The following CDC20 variants were observed in gnomAD, a reference collection of about 807,000 sequenced individuals.
The protein encoded by CDC20 is cell division cycle protein 20 homolog.
Under a neutral mutation model 60.0 loss-of-function variants are expected in CDC20, and 34 were observed. The ratio of observed to expected loss-of-function variants is 0.57; its 90% CI spans 0.43 to 0.75. CDC20 has a LOEUF of 0.75. CDC20 is among the 30% of genes least tolerant of loss of function. CDC20 has a pLI of 0.00. For synonymous variants in CDC20, 198 were observed against 243.5 expected, an observed-to-expected ratio of 0.81 and a Z score of 1.74; for missense variants, 469 against 647.3, an observed-to-expected ratio of 0.72 and a Z score of 2.99.
intron 9 of CDC20, 50 bp from the exon 10 acceptor site, chr1:43,362,145 T>C (rs765701911): frequency 2.3e-5 from 25 of 1,102,716 alleles, no homozygotes; most frequent in Non-Finnish European, 3.3e-5. Context: ...TCAGTTCTGA[T>C]TTAAGTAGCC....
chr1:43,360,103 TGC>T lies in CDC20; in HGVS notation c.556+7_556+8del. On this transcript the variant is annotated splice_region_variant and intron_variant, in intron 5 of 10. Transcript: ENST00000310955. ...TGAAATCCGAAATGACTATTGTAAGTGCATCCTTATCCTCGCCTCATGCATGG... is the reference window on the plus strand; with the variant it reads ...TGAAATCCGAAATGACTATTGTAAGTATCCTTATCCTCGCCTCATGCATGG... The T allele has an allele frequency of 6.2e-7, 1 of 1,614,216 alleles. No individual in the cohort carries two copies. The highest frequency in any genetic ancestry group is 8.5e-7 in the Non-Finnish European group (1 of 1,180,044).
rs896531928 is a variant in CDC20 at position 43,362,827 on chromosome 1, T to A, written c.1322-124T>A. 1.6e-4 allele frequency: 112 copies of A among 704,438 alleles called. No homozygotes were observed. The African/African-American group carries it at 1.8e-3, about 11-fold the overall frequency. 43.6% of individuals were successfully genotyped at this position (704,438 alleles called of 1,614,324 possible). A position where few individuals can be genotyped will look rare whatever the true frequency, so the allele number is the denominator to read the frequency against. On this transcript the variant is annotated intron_variant, in intron 10 of 10. Transcript: ENST00000310955. ...TTGCAGTGAGCCAAGATTGCGCCAC[T>A]GCACTCCAGCCTGGGTGACAGAGCA...
At chr1:43,359,672 C>G (rs1226478951) in intron 3 of CDC20, 34 bp downstream of exon 3, 1 of 1,613,986 alleles carries the variant, frequency 6.2e-7, no homozygotes, top group Admixed American at 1.7e-5. Context: ...GGCACGGGAC[C>G]TGACTGTTCT....
Position 43,359,019 on chromosome 1 carries a change from G to A in CDC20, c.-50+13G>A. ...TCCGGAGGGCACGGTGAGAGGTGGTGGGGCTGAGCCGAGGTGGGGCCGTGG... is the reference window on the plus strand; with the variant it reads ...TCCGGAGGGCACGGTGAGAGGTGGTAGGGCTGAGCCGAGGTGGGGCCGTGG... On this transcript the variant is annotated intron_variant, in intron 1 of 10. Transcript: ENST00000310955. 2 of 616,770 alleles carry A rather than the reference G, an allele frequency of 3.2e-6. No individual in the cohort carries two copies. The highest frequency in any genetic ancestry group is 5.7e-6 in the Non-Finnish European group (2 of 349,024). The allele number at this position is 616,770 out of a possible 1,614,324, so 38.2% of individuals were successfully genotyped here.
intron 10 of CDC20, 44 bp from the exon 11 acceptor site, chr1:43,362,907 A>G: frequency 6.9e-7 from 1 of 1,450,018 alleles, no homozygotes; most frequent in Non-Finnish European, 9.3e-7. Context: ...CTTTATGGCT[A>G]TGGCTGCATC....
At chr1:43,362,035 G>C (rs1199991018) in intron 9 of CDC20, among the ~76,000 whole-genome samples, 160 bp from the exon 10 acceptor site, 1 of 152,228 alleles carries the variant, frequency 6.6e-6, no homozygotes, top group Non-Finnish European at 1.5e-5. Flanking sequence ...TTACATCAGC[G>C]AGTGTCTATA....
In CDC20 at chr1:43,360,567, A is replaced by T; in HGVS notation, c.822A>T (p.Leu274=). 6.2e-7 allele frequency: 1 copy of T among 1,613,982 alleles called. No individual in the cohort carries two copies. The highest frequency in any genetic ancestry group is 8.5e-7 in the Non-Finnish European group (1 of 1,179,860). The part of the protein sequence containing the change: ...MTSHSARVGS[L]SWNSYILSSG... ...GTCACTCTGCCCGAGTGGGCTCCCT[A>T]AGCTGGAACAGCTATATCCTGTCCA... Residue 274 remains leucine, a synonymous_variant, in exon 7 of 11, where the codon CTA becomes CTT. Coordinates refer to ENST00000310955, the MANE Select transcript of CDC20 (RefSeq NM_001255.3).
chr1:43,362,856 C>G, intron 10 of CDC20, 95 bp from the exon 11 acceptor site: 1 of 906,348 alleles, frequency 1.1e-6, no homozygotes, highest in Non-Finnish European at 1.7e-6. Context: ...CAGAGCAAGT[C>G]TCAAAAAAAA....
Position 43,362,285 on chromosome 1 carries a change from A to C in CDC20, c.1294A>C (p.Thr432Pro). 2.5e-6 allele frequency: 4 copies of C among 1,585,584 alleles called. No individual in the cohort carries two copies. The highest frequency in any genetic ancestry group is 1.1e-5 in the South Asian group (1 of 90,528). Residue 432 changes from threonine to proline, a missense_variant, in exon 10 of 11, where the codon ACC becomes CCC. Physicochemically the swap from Thr to Pro is conservative, Grantham distance 38. Transcript: ENST00000310955. The part of the protein sequence containing the change: ...QNQLVIWKYP[T>P]MAKVAELKGH... ...CCAGCTAGTTATTTGGAAGTACCCA[A>C]CCATGGCCAAGGTGGCTGAACTCAA... is the stretch of plus-strand genomic sequence containing the variant.
At chr1:43,361,324 T>C (rs1322332040) in intron 9 of CDC20, 79 bp downstream of exon 9, 8 of 1,365,120 alleles carry the variant, frequency 5.9e-6, no homozygotes, top group Non-Finnish European at 7.9e-6. Flanking sequence ...CTTCACCAAC[T>C]CTATGCCCTG....
chr1:43,362,860 A>G (rs1647178978), intron 10 of CDC20, 91 bp from the exon 11 acceptor site: 3 of 1,010,054 alleles, frequency 3.0e-6, no homozygotes, highest in Admixed American at 2.7e-5. Context: ...GCAAGTCTCA[A>G]AAAAAACAAA....
chr1:43,359,024 T>A lies in CDC20; in HGVS notation c.-50+18T>A, dbSNP rs967437418. ...AGGGCACGGTGAGAGGTGGTGGGGC[T>A]GAGCCGAGGTGGGGCCGTGGCCAGG... is the stretch of plus-strand genomic sequence containing the variant. On this transcript the variant is annotated intron_variant, in intron 1 of 10. Coordinates refer to ENST00000310955, the MANE Select transcript of CDC20 (RefSeq NM_001255.3). 2 of 622,878 alleles carry A rather than the reference T, an allele frequency of 3.2e-6. No individual in the cohort carries two copies. The highest frequency in any genetic ancestry group is 5.7e-6 in the Non-Finnish European group (2 of 353,812). The allele number at this position is 622,878 out of a possible 1,614,324, so 38.6% of individuals were successfully genotyped here.
In CDC20 at chr1:43,360,877, C is replaced by T. The variant is rs1647169698; in HGVS notation, c.993C>T (p.Asn331=). The T allele has an allele frequency of 6.2e-7, 1 of 1,614,178 alleles. No individual in the cohort carries two copies. Among genetic ancestry groups the T allele is most frequent in the Non-Finnish European group, 8.5e-7 (1 of 1,180,028 alleles). Residue 331 remains asparagine, a synonymous_variant, in exon 8 of 11, where the codon AAC becomes AAT. Coordinates refer to ENST00000310955, the MANE Select transcript of CDC20 (RefSeq NM_001255.3). Reference sequence around the variant, plus strand: ...ATTTGGCCAGTGGTGGTAATGATAACTTGGTCAATGTGTGGCCTAGTGCTC... The same window carrying T: ...ATTTGGCCAGTGGTGGTAATGATAATTTGGTCAATGTGTGGCCTAGTGCTC... ...GRHLASGGND[N]LVNVWPSAPG...
Position 43,360,505 on chromosome 1 carries a change from G to T in CDC20, c.760G>T (p.Asp254Tyr). 6.2e-7 allele frequency: 1 copy of T among 1,613,954 alleles called. No homozygotes were observed. Among genetic ancestry groups the T allele is most frequent in the East Asian group, 2.2e-5 (1 of 44,890 alleles). Residue 254 changes from aspartate (D) to tyrosine (Y), a missense_variant, in exon 7 of 11, where the codon GAT becomes TAT. By Grantham distance (160) the Asp-to-Tyr change is radical. This residue lies in a region of CDC20 where 255 missense variants were observed against 326.7 expected (regional missense o/e 0.78). Coordinates refer to ENST00000310955, the MANE Select transcript of CDC20 (RefSeq NM_001255.3). ...AGTGGGCTTCTCTCTCTAGCTATGG[G>T]ATGTGCAGCAGCAGAAACGGCTTCG... ...GTSSAEVQLW[D>Y]VQQQKRLRNM...
At chr1:43,360,984 C>G in intron 8 of CDC20, 23 bp downstream of exon 8, 1 of 1,597,244 alleles carries the variant, frequency 6.3e-7, no homozygotes, top group Non-Finnish European at 8.6e-7. Flanking sequence ...GGGCTGAAGC[C>G]TCTGCAGACC....
In CDC20 at chr1:43,360,814, G is replaced by A; in HGVS notation, c.930G>A (p.Gln310=). ...HHVATLSGHS[Q]EVCGLRWAPD... ...TGGCCACACTGAGTGGCCACAGCCA[G>A]GAAGTGTGTGGGCTGCGCTGGGCCC... The change falls in exon 8 of 11, where the codon CAG becomes CAA. Residue 310 remains glutamine, a synonymous_variant. Coordinates refer to ENST00000310955, the MANE Select transcript of CDC20 (RefSeq NM_001255.3). 1 of 1,614,160 alleles carries A rather than the reference G, an allele frequency of 6.2e-7. No homozygotes were observed. Among genetic ancestry groups the A allele is most frequent in the South Asian group, 1.1e-5 (1 of 91,086 alleles).
In CDC20 at chr1:43,361,181, G is replaced by A. The variant is rs764546476; in HGVS notation, c.1139G>A (p.Arg380Gln). 7 of 1,613,618 alleles carry A rather than the reference G, an allele frequency of 4.3e-6. No homozygotes were observed. The highest frequency in any genetic ancestry group is 2.2e-5 in the East Asian group (1 of 44,898). The change falls in exon 9 of 11, where the codon CGA (arginine) becomes CAA (glutamine). Residue 380 changes from arginine to glutamine, a missense_variant. Arg to Gln is a conservative substitution (Grantham distance 43). Around this residue, in one of 5 missense-constraint regions of CDC20, gnomAD observed 255 missense variants for 326.7 expected, o/e 0.78. Coordinates refer to ENST00000310955, the MANE Select transcript of CDC20 (RefSeq NM_001255.3). The stretch of plus-strand genomic sequence containing the variant: ...GCAACAGGAGGGGGCACCAGTGATC[G>A]ACACATTCGCATCTGGAATGTGTGC... ...VLATGGGTSD[R>Q]HIRIWNVCSG...
intron 9 of CDC20, 48 bp downstream of exon 9, chr1:43,361,293 C>A: frequency 6.7e-7 from 1 of 1,500,860 alleles, no homozygotes; most frequent in Non-Finnish European, 8.9e-7. Flanking sequence ...TCTTACCGGG[C>A]AACTACATTC....
intron 4 of CDC20, 60 bp downstream of exon 4, chr1:43,359,881 A>G: frequency 6.2e-7 from 1 of 1,608,828 alleles, no homozygotes; most frequent in Non-Finnish European, 8.5e-7. Flanking sequence ...AGGGCTGAGC[A>G]CAGATATCTG....
Sources: gnomAD v4.1 joint callset for allele counts (sites outside exome capture counted in the v4.1 genomes callset) on GRCh38, gnomAD v4.1.1 for gene constraint, gnomAD v4.1.1 regional missense constraint, MANE v1.5 for transcripts, NCBI Gene and HGNC (gene_info 2026-07-23, HGNC 2026-07-21) for gene names.